The following ANXA2 variants were observed in gnomAD, a reference collection of about 807,000 sequenced individuals.
The protein encoded by ANXA2 is annexin II.
A neutral mutation model predicts 47.3 loss-of-function variants in ANXA2; 28 were observed. That is an observed-to-expected ratio of 0.59 (90% CI 0.44 to 0.81). The LOEUF (loss-of-function observed/expected upper bound fraction) is 0.81, where lower values mean the gene tolerates loss of function less well. Among genes scored for constraint, ANXA2 ranks in the 40% least tolerant of loss-of-function variants. The probability of loss-of-function intolerance (pLI) is 0.00; values close to 1 mark genes in which losing one functional copy is unlikely to be tolerated. For missense variants in ANXA2, 384 were observed against 414.3 expected (o/e 0.93, Z 0.64); for synonymous variants, 172 against 155.5 (o/e 1.11, Z -0.79).
intron 2 of ANXA2, chr15:60,385,588 A>T (rs2062922315): frequency 6.6e-6 from 1 of 152,602 alleles, no homozygotes; most frequent in Non-Finnish European, 1.5e-5. Flanking sequence ...ATTAATAAAT[A>T]AAATAAAAGT....
chr15:60,380,745 A>G (rs1277744339), intron 3 of ANXA2, among the ~76,000 whole-genome samples: 1 of 139,572 alleles, frequency 7.2e-6, no homozygotes, highest in Non-Finnish European at 1.5e-5. Flanking sequence ...TGGAGGTTGC[A>G]GTGAGCTGAG....
intron 7 of ANXA2, among the ~76,000 whole-genome samples, chr15:60,354,788 C>T (rs1367305004): frequency 2.6e-5 from 4 of 152,150 alleles, no homozygotes; most frequent in Admixed American, 2.6e-4. Context: ...TCCCTGTCCC[C>T]ATCCCCCACA....
intron 3 of ANXA2, among the ~76,000 whole-genome samples, chr15:60,376,832 C>T (rs1221471460): frequency 1.3e-5 from 2 of 152,218 alleles, no homozygotes; most frequent in African/African-American, 2.4e-5. Flanking sequence ...TCCGTGTACT[C>T]GACAGCAGCT....
chr15:60,394,841 G>A (rs1048689194), intron 1 of ANXA2: 1 of 152,178 alleles, frequency 6.6e-6, no homozygotes, highest in Admixed American at 6.5e-5. Flanking sequence ...GGAGAAAGTA[G>A]ATGAGGACTG....
chr15:60,380,945 A>T (rs2062850278), intron 3 of ANXA2, among the ~76,000 whole-genome samples: 1 of 151,812 alleles, frequency 6.6e-6, no homozygotes, highest in Admixed American at 6.6e-5. Context: ...AAGGCAGATG[A>T]TGCAAATAAA....
chr15:60,348,599 G>A (rs2140756583), intron 12 of ANXA2, among the ~76,000 whole-genome samples: 1 of 152,138 alleles, frequency 6.6e-6, no homozygotes, highest in African/African-American at 2.4e-5. Flanking sequence ...AAAAAAATTA[G>A]CCGGGTGTGG....
intron 3 of ANXA2, among the ~76,000 whole-genome samples, chr15:60,371,948 G>C (rs1306724519): frequency 6.6e-6 from 1 of 152,130 alleles, no homozygotes; most frequent in African/African-American, 2.4e-5. Flanking sequence ...TCAGGAGTTT[G>C]AGATCAGCCT....
chr15:60,369,387 C>G (rs1269044718), intron 3 of ANXA2, among the ~76,000 whole-genome samples: 2 of 152,184 alleles, frequency 1.3e-5, no homozygotes, highest in South Asian at 4.1e-4. Context: ...TTGCCTTGTA[C>G]TTAATTTTAT....
intron 5 of ANXA2, 141 bp from the exon 6 acceptor site, chr15:60,357,377 T>C: frequency 1.7e-6 from 1 of 585,000 alleles, no homozygotes. Flanking sequence ...GAAGAATCTA[T>C]ACTCCTACCC....
chr15:60,385,959 G>C (rs2062927014), intron 2 of ANXA2, 69 bp downstream of exon 2: 1 of 1,016,802 alleles, frequency 9.8e-7, no homozygotes, highest in South Asian at 1.4e-5. Flanking sequence ...CAAGGATAGA[G>C]AGTAATATGG....
At chr15:60,392,305 A>G (rs1196889026) in intron 1 of ANXA2, among the ~76,000 whole-genome samples, 1 of 152,202 alleles carries the variant, frequency 6.6e-6, no homozygotes, top group Non-Finnish European at 1.5e-5. Flanking sequence ...CATAAGGACT[A>G]TATTATTTAG....
chr15:60,392,455 C>T (rs996967516), intron 1 of ANXA2, among the ~76,000 whole-genome samples: 4 of 149,522 alleles, frequency 2.7e-5, no homozygotes, highest in African/African-American at 7.3e-5. Context: ...TGCTTCACTA[C>T]GAAAGTGCAG....
intron 2 of ANXA2, chr15:60,385,665 G>T: frequency 5.6e-6 from 1 of 177,604 alleles, no homozygotes; most frequent in Non-Finnish European, 1.2e-5. Context: ...AATTAGTTTT[G>T]ATATGGCTGT....
chr15:60,390,458 C>G, intron 1 of ANXA2: 1 of 511,048 alleles, frequency 2.0e-6, no homozygotes, highest in Non-Finnish European at 3.9e-6. Flanking sequence ...CCAGGACTCC[C>G]TGTATGCCCA....
At chr15:60,353,061 C>A (rs1045462182) in intron 8 of ANXA2, among the ~76,000 whole-genome samples, 4 of 152,214 alleles carry the variant, frequency 2.6e-5, no homozygotes, top group African/African-American at 9.6e-5. Context: ...CATCTAGGAA[C>A]TGCAAAACCC....
rs1159985825 is a variant in ANXA2 at position 60,366,974 on chromosome 15, G to C, written c.149-2451C>G. ...AGCCGCCCCGTCCGGGAGGGAGGTGGGGGGGTCAGCCCCCCGCCCGGCCAG... is the reference window on the plus strand; with the variant it reads ...AGCCGCCCCGTCCGGGAGGGAGGTGCGGGGGTCAGCCCCCCGCCCGGCCAG... On this transcript the variant is annotated intron_variant, in intron 3 of 12. Transcript: ENST00000451270. Among the ~76,000 whole-genome samples, 5 of 93,270 alleles carry C rather than the reference G, an allele frequency of 5.4e-5. No individual in the cohort carries two copies. The East Asian group carries it at 1.6e-3, about 30-fold the overall frequency. The allele number at this position is 93,270 out of a possible 152,430, so 61.2% of individuals were successfully genotyped here.
intron 11 of ANXA2, among the ~76,000 whole-genome samples, chr15:60,350,829 T>TC (rs1363500638): frequency 6.6e-6 from 1 of 152,224 alleles, no homozygotes; most frequent in African/African-American, 2.4e-5. Context: ...GTAGCACTTG[T>TC]CCACTGTATA....
chr15:60,382,607 T>C (rs12437778), intron 2 of ANXA2, 166 bp from the exon 3 acceptor site: 16,447 of 471,202 alleles, frequency 0.035, 830 homozygotes, highest in Admixed American at 0.17. Flanking sequence ...ACGCAAGCAA[T>C]TTCATTTTTT....
At chr15:60,356,400 C>A (rs954818940) in intron 6 of ANXA2, among the ~76,000 whole-genome samples, 1 of 151,834 alleles carries the variant, frequency 6.6e-6, no homozygotes. Flanking sequence ...AAATGCACAG[C>A]GGCAAAAACT....
Sources: allele counts gnomAD v4.1 joint callset (sites outside exome capture counted in the v4.1 genomes callset), GRCh38; gene constraint gnomAD v4.1.1; transcripts MANE v1.5; gene names NCBI Gene and HGNC (gene_info 2026-07-23, HGNC 2026-07-21).